Variants in MBNL2 observed in about 807,000 individuals in gnomAD.
The protein encoded by MBNL2 is muscleblind-like protein 2.
A neutral mutation model predicts 41.9 loss-of-function variants in MBNL2; 17 were observed. The ratio of observed to expected loss-of-function variants is 0.41; its 90% CI spans 0.28 to 0.61. The LOEUF is 0.61. Among genes scored for constraint, MBNL2 ranks in the 20% least tolerant of loss-of-function variants. MBNL2 has a pLI of 0.35. For missense variants in MBNL2, 336 were observed against 505.6 expected (o/e 0.66, Z 3.22); for synonymous variants, 195 against 182.9 (o/e 1.07, Z -0.53).
intron 3 of MBNL2, among the ~76,000 whole-genome samples, chr13:97,341,325 G>A (rs1356058917): frequency 6.6e-6 from 1 of 152,164 alleles, no homozygotes; most frequent in South Asian, 2.1e-4. Context: ...CTGATGTGCT[G>A]TGATTTATGA....
intron 8 of MBNL2, among the ~76,000 whole-genome samples, chr13:97,377,106 TAAGC>T (rs1200229438): frequency 6.6e-6 from 1 of 152,196 alleles, no homozygotes; most frequent in Non-Finnish European, 1.5e-5. Context: ...GACACTGGGT[TAAGC>T]CTTTTGTATG....
the MBNL2 span, among the ~76,000 whole-genome samples, chr13:97,210,424 G>A: frequency 6.6e-6 from 1 of 152,018 alleles, no homozygotes; most frequent in Non-Finnish European, 1.5e-5. Flanking sequence ...ATAGCTTGTG[G>A]TTTTGAAAAC....
chr13:97,365,073 T>G (rs2063745866), intron 7 of MBNL2, 63 bp from the exon 8 acceptor site: 1 of 1,053,494 alleles, frequency 9.5e-7, no homozygotes, highest in Non-Finnish European at 1.5e-6. Context: ...ATGTTAACTC[T>G]AAACCGCTAA....
intron 2 of MBNL2, among the ~76,000 whole-genome samples, chr13:97,317,870 C>T (rs904151754): frequency 9.2e-5 from 14 of 152,326 alleles, no homozygotes; most frequent in African/African-American, 3.1e-4. Context: ...TTACTTATTA[C>T]CATGCTTTCT....
upstream of MBNL2, among the ~76,000 whole-genome samples, chr13:97,220,716 T>C (rs991628955): frequency 1.7e-4 from 26 of 152,052 alleles, 1 homozygote; most frequent in African/African-American, 6.3e-4. Flanking sequence ...TAGGTCAGAG[T>C]TCTGGCCTAC....
chr13:97,233,749 C>A (rs9556692), intron 1 of MBNL2, among the ~76,000 whole-genome samples: 65,442 of 151,170 alleles, frequency 0.43, 17,193 homozygotes, highest in Non-Finnish European at 0.57. Flanking sequence ...GGACTGGCTG[C>A]CTCTGGGGCT....
intron 8 of MBNL2, among the ~76,000 whole-genome samples, chr13:97,370,937 T>C (rs754624604): frequency 1.3e-5 from 2 of 152,146 alleles, no homozygotes; most frequent in Non-Finnish European, 2.9e-5. Context: ...AATTAGTCAA[T>C]CTGAGTCCAT....
At chr13:97,367,263 G>A (rs2063922721) in intron 8 of MBNL2, among the ~76,000 whole-genome samples, 1 of 152,180 alleles carries the variant, frequency 6.6e-6, no homozygotes, top group African/African-American at 2.4e-5. Context: ...CTACTCTGTG[G>A]TCACAAGCTG....
At chr13:97,356,052 T>C (rs989716852) in intron 5 of MBNL2, among the ~76,000 whole-genome samples, 3 of 152,204 alleles carry the variant, frequency 2.0e-5, no homozygotes, top group African/African-American at 7.2e-5. Flanking sequence ...GATGATGGAA[T>C]ACAAGTGGGG....
chr13:97,236,529 T>A (rs1345398708), intron 1 of MBNL2, among the ~76,000 whole-genome samples: 3 of 150,678 alleles, frequency 2.0e-5, no homozygotes, highest in African/African-American at 7.3e-5. Flanking sequence ...TTTTTTTTTG[T>A]CTTTAATAAA....
chr13:97,323,400 G>A (rs1363463353), intron 2 of MBNL2, among the ~76,000 whole-genome samples: 1 of 152,158 alleles, frequency 6.6e-6, no homozygotes, highest in African/African-American at 2.4e-5. Context: ...ACTATGGATT[G>A]AAAATACTAG....
At chr13:97,204,860 G>T in the MBNL2 span, among the ~76,000 whole-genome samples, 1 of 152,050 alleles carries the variant, frequency 6.6e-6, no homozygotes, top group African/African-American at 2.4e-5. Context: ...AATCACCTGA[G>T]GTCAGGAGTT....
the MBNL2 span, among the ~76,000 whole-genome samples, chr13:97,208,920 G>A: frequency 6.6e-6 from 1 of 152,132 alleles, no homozygotes; most frequent in Admixed American, 6.5e-5. Context: ...CATACACAGT[G>A]GCCCTGGACA....
At chr13:97,355,450 A>G (rs2062901117) in intron 5 of MBNL2, among the ~76,000 whole-genome samples, 1 of 152,152 alleles carries the variant, frequency 6.6e-6, no homozygotes, top group Admixed American at 6.5e-5. Context: ...ACAAAGTTCT[A>G]TTTCAGAACT....
Position 97,391,333 on chromosome 13 carries a change from A to G in MBNL2, c.1060A>G (p.Ile354Val), listed in dbSNP as rs761780799. 49 of 1,465,628 alleles carry G rather than the reference A, an allele frequency of 3.3e-5. No individual in the cohort carries two copies. Among genetic ancestry groups the G allele is most frequent in the Non-Finnish European group, 4.4e-5 (46 of 1,045,408 alleles). The allele number at this position is 1,465,628 out of a possible 1,614,324, so 90.8% of individuals were successfully genotyped here. The change falls in exon 9 of 9, where the codon ATA becomes GTA. Residue 354 changes from isoleucine (I) to valine (V), a missense_variant. By Grantham distance (29) the Ile-to-Val change is conservative. Coordinates refer to ENST00000679496, the MANE Select transcript of MBNL2 (RefSeq NM_001382683.1). ...TPATSIDNSE[I>V]ISRNGMECQE... ...TTTCTCTTTAACAGATAATTCTGAA[A>G]TAATCAGCAGAAACGGAATGGAATG...
chr13:97,166,025 T>C, the MBNL2 span, among the ~76,000 whole-genome samples: 1 of 152,348 alleles, frequency 6.6e-6, no homozygotes, highest in Middle Eastern at 3.4e-3. Flanking sequence ...TAGAAAGCCT[T>C]TCTGGGTGGA....
At chr13:97,150,921 A>G in the MBNL2 span, among the ~76,000 whole-genome samples, 34 of 152,294 alleles carry the variant, frequency 2.2e-4, no homozygotes, top group African/African-American at 7.7e-4. Flanking sequence ...CCTGCCCCTA[A>G]CACAACATCC....
At chr13:97,326,229 G>T (rs181098984) in intron 2 of MBNL2, among the ~76,000 whole-genome samples, 2 of 152,150 alleles carry the variant, frequency 1.3e-5, no homozygotes, top group African/African-American at 4.8e-5. Flanking sequence ...TCCTAAACCC[G>T]TAGCAATTGG....
the MBNL2 span, among the ~76,000 whole-genome samples, chr13:97,157,779 C>A: frequency 6.6e-6 from 1 of 150,856 alleles, no homozygotes; most frequent in African/African-American, 2.4e-5. Flanking sequence ...TTTTGATGTG[C>A]TGCTGGATTT....
Sources: allele counts gnomAD v4.1 joint callset (sites outside exome capture counted in the v4.1 genomes callset), GRCh38; gene constraint gnomAD v4.1.1; transcripts MANE v1.5; gene names NCBI Gene and HGNC (gene_info 2026-07-23, HGNC 2026-07-21).